The following NRG3 variants were observed in gnomAD, a reference collection of about 807,000 sequenced individuals.
The protein encoded by NRG3 is neuregulin 3.
In NRG3, 31 loss-of-function variants were observed where a neutral mutation model predicts 66.9. The ratio of observed to expected loss-of-function variants is 0.46; its 90% CI spans 0.35 to 0.63. NRG3 has a LOEUF of 0.63. Ranked by LOEUF, NRG3 falls within the 20% of genes least tolerant of loss-of-function variation. The pLI, the probability that NRG3 is intolerant of heterozygous loss-of-function variation, is 0.00. For missense variants in NRG3, 910 were observed against 878.9 expected, an observed-to-expected ratio of 1.04 and a Z score of -0.45; for synonymous variants, 393 against 359.4, an observed-to-expected ratio of 1.09 and a Z score of -1.06.
In NRG3 at chr10:82,385,815, A is replaced by G. The variant is rs533866544; in HGVS notation, c.953+26947A>G. ...CTGCTGAAAATTGTAAAGGGGCAAG[A>G]GGTATAGTGAAAAAGAAAAATAAAG... On this transcript the variant is annotated intron_variant, in intron 2 of 8. Coordinates refer to ENST00000372141, the MANE Select transcript of NRG3 (RefSeq NM_001010848.4). Among the ~76,000 whole-genome samples the G allele has an allele frequency of 2.0e-5, 3 of 152,114 alleles. No individual in the cohort carries two copies. The East Asian group carries it at 5.8e-4, about 29-fold the overall frequency.
intron 4 of NRG3, among the ~76,000 whole-genome samples, chr10:82,901,356 C>T (rs1371450396): frequency 6.6e-6 from 1 of 152,046 alleles, no homozygotes; most frequent in Admixed American, 6.6e-5. Context: ...GTATGTATGG[C>T]TTTTATTGGC....
At chr10:82,142,159 T>C (rs908800976) in intron 1 of NRG3, among the ~76,000 whole-genome samples, 2 of 152,176 alleles carry the variant, frequency 1.3e-5, no homozygotes, top group Non-Finnish European at 2.9e-5. Flanking sequence ...ACACAAAAGA[T>C]TTTGACTGCA....
At chr10:82,874,068 C>G (rs1841585214) in intron 4 of NRG3, among the ~76,000 whole-genome samples, 1 of 150,602 alleles carries the variant, frequency 6.6e-6, no homozygotes, top group African/African-American at 2.4e-5. Context: ...TACTCAACGT[C>G]TGTGATATAA....
intron 2 of NRG3, among the ~76,000 whole-genome samples, chr10:82,511,767 G>C (rs1400206827): frequency 6.6e-6 from 1 of 152,090 alleles, no homozygotes; most frequent in Admixed American, 6.6e-5. Flanking sequence ...TAGTGAACAA[G>C]GGAAAGGGGA....
chr10:82,490,394 T>C (rs1367818884), intron 2 of NRG3, among the ~76,000 whole-genome samples: 1 of 152,168 alleles, frequency 6.6e-6, no homozygotes, highest in Admixed American at 6.5e-5. Context: ...ATCTTGCCCT[T>C]CTATTGGGTA....
At chr10:82,687,557 G>A (rs983681167) in intron 2 of NRG3, among the ~76,000 whole-genome samples, 11 of 152,020 alleles carry the variant, frequency 7.2e-5, no homozygotes, top group African/African-American at 2.7e-4. Context: ...AGAGAAATTG[G>A]ACTAAATTCT....
At chr10:82,402,052 A>G (rs902527777) in intron 2 of NRG3, among the ~76,000 whole-genome samples, 1 of 152,112 alleles carries the variant, frequency 6.6e-6, no homozygotes, top group Non-Finnish European at 1.5e-5. Context: ...AAACCTCATT[A>G]TTAAATTTGA....
At position 82,369,695 on chromosome 10, in the gene NRG3, A is replaced by G. The variant is rs2084763662; in HGVS notation, c.953+10827A>G. 1.4e-5 allele frequency among the ~76,000 whole-genome samples: 2 copies of G among 139,084 alleles called. 1 individual carries two copies. Among genetic ancestry groups the G allele is most frequent in the African/African-American group, 6.6e-5 (2 of 30,154 alleles). 91.2% of individuals were successfully genotyped at this position (139,084 alleles called of 152,430 possible). A position where few individuals can be genotyped will look rare whatever the true frequency, so the allele number is the denominator to read the frequency against. On this transcript the variant is annotated intron_variant, in intron 2 of 8. Coordinates refer to ENST00000372141, the MANE Select transcript of NRG3 (RefSeq NM_001010848.4). ...GGATGTTCCATGATGAGTATGACAT[A>G]TACTTGACCTAATTATAATTTGATT...
intron 2 of NRG3, among the ~76,000 whole-genome samples, chr10:82,469,850 T>A (rs1218302454): frequency 6.6e-6 from 1 of 152,248 alleles, no homozygotes; most frequent in Admixed American, 6.5e-5. Context: ...TATTTCCTTC[T>A]AATTACTTCC....
At chr10:82,074,925 G>A (rs1005923428) in intron 1 of NRG3, among the ~76,000 whole-genome samples, 19 of 152,130 alleles carry the variant, frequency 1.2e-4, no homozygotes, top group African/African-American at 4.3e-4. Flanking sequence ...CCTGTCTTTT[G>A]CCAGCAGTAT....
intron 2 of NRG3, among the ~76,000 whole-genome samples, chr10:82,391,970 T>A (rs1215667303): frequency 4.5e-5 from 6 of 133,096 alleles, no homozygotes; most frequent in Non-Finnish European, 4.6e-5. Context: ...GCTGCCAAAG[T>A]TGAATCCTCT....
At chr10:82,611,349 T>C (rs1284499284) in intron 2 of NRG3, among the ~76,000 whole-genome samples, 1 of 152,072 alleles carries the variant, frequency 6.6e-6, no homozygotes, top group East Asian at 1.9e-4. Flanking sequence ...ACATGTGCCC[T>C]GTTGGTTTGC....
intron 2 of NRG3, among the ~76,000 whole-genome samples, chr10:82,702,930 T>C (rs2056001939): frequency 6.6e-6 from 1 of 152,134 alleles, no homozygotes; most frequent in Non-Finnish European, 1.5e-5. Flanking sequence ...ATGGTATATG[T>C]ATAATAATAC....
At chr10:81,940,348 T>G (rs2133087554) in intron 1 of NRG3, among the ~76,000 whole-genome samples, 1 of 152,048 alleles carries the variant, frequency 6.6e-6, no homozygotes, top group East Asian at 1.9e-4. Flanking sequence ...TATTAATGAG[T>G]TGTCTTTTTT....
At chr10:82,205,084 G>A (rs1391962716) in intron 1 of NRG3, among the ~76,000 whole-genome samples, 2 of 152,198 alleles carry the variant, frequency 1.3e-5, no homozygotes, top group Non-Finnish European at 2.9e-5. Context: ...AAATGGAAAT[G>A]TGGACATTAA....
chr10:82,754,643 C>T (rs1285895096), intron 3 of NRG3, among the ~76,000 whole-genome samples: 2 of 151,806 alleles, frequency 1.3e-5, no homozygotes, highest in Non-Finnish European at 2.9e-5. Flanking sequence ...CTATCATTTC[C>T]AAATGACAAG....
chr10:82,346,181 G>T (rs1355297574), intron 1 of NRG3, among the ~76,000 whole-genome samples: 2 of 147,514 alleles, frequency 1.4e-5, no homozygotes, highest in Non-Finnish European at 3.0e-5. Flanking sequence ...TGCCCATTCA[G>T]TATGATATTG....
intron 1 of NRG3, among the ~76,000 whole-genome samples, chr10:81,998,675 A>G (rs1352267245): frequency 6.6e-6 from 1 of 152,184 alleles, no homozygotes; most frequent in Non-Finnish European, 1.5e-5. Context: ...TAGATAGAGG[A>G]CCCAATGAAT....
intron 2 of NRG3, among the ~76,000 whole-genome samples, chr10:82,376,167 C>T (rs899739582): frequency 3.3e-5 from 5 of 152,098 alleles, no homozygotes; most frequent in Non-Finnish European, 4.4e-5. Context: ...GCTGAACGTG[C>T]GTCTGGCCTT....
Sources: allele counts gnomAD v4.1 joint callset (sites outside exome capture counted in the v4.1 genomes callset), GRCh38; gene constraint gnomAD v4.1.1; transcripts MANE v1.5; gene names NCBI Gene and HGNC (gene_info 2026-07-23, HGNC 2026-07-21).